Variants in JARID2 observed in about 807,000 individuals in gnomAD.
JARID2 encodes the protein protein Jumonji.
JARID2 carries 21 observed loss-of-function variants against 125.6 expected under a neutral mutation model. The ratio of observed to expected loss-of-function variants is 0.17; its 90% confidence interval spans 0.12 to 0.24. The LOEUF (loss-of-function observed/expected upper bound fraction) is 0.24. Among genes scored for constraint, JARID2 ranks in the 10% least tolerant of loss-of-function variants. The probability of loss-of-function intolerance (pLI) is 1.00; values close to 1 mark genes in which losing one functional copy is unlikely to be tolerated. For missense variants in JARID2, 1,303 were observed against 1,639.6 expected (o/e 0.79, Z 3.55); for synonymous variants, 736 against 661.6 (o/e 1.11, Z -1.73).
chr6:15,251,164 A>T (rs183999193), intron 1 of JARID2, among the ~76,000 whole-genome samples: 2 of 152,064 alleles, frequency 1.3e-5, no homozygotes, highest in African/African-American at 4.8e-5. Flanking sequence ...GGCACCCCCT[A>T]TCATGTCCGG....
intron 3 of JARID2, among the ~76,000 whole-genome samples, chr6:15,433,274 T>G (rs1266491348): frequency 6.6e-6 from 1 of 152,194 alleles, no homozygotes; most frequent in Non-Finnish European, 1.5e-5. Context: ...CCCCAAATGT[T>G]TCCTTCCTCA....
At chr6:15,281,267 C>T (rs1478533835) in intron 1 of JARID2, among the ~76,000 whole-genome samples, 1 of 152,216 alleles carries the variant, frequency 6.6e-6, no homozygotes, top group Admixed American at 6.5e-5. Context: ...ACTACGAAGT[C>T]ATTTTGGATT....
intron 12 of JARID2, 53 bp from the exon 13 acceptor site, chr6:15,511,243 C>T (rs1208951526): frequency 3.9e-6 from 5 of 1,267,144 alleles, no homozygotes; most frequent in African/African-American, 1.5e-5. Flanking sequence ...CCAGTACATG[C>T]AGGAGGCCCT....
chr6:15,351,445 A>ATGG (rs901588116), intron 1 of JARID2, among the ~76,000 whole-genome samples: 1 of 152,204 alleles, frequency 6.6e-6, no homozygotes, highest in African/African-American at 2.4e-5. Context: ...CACTGGCCTC[A>ATGG]TGGAGCAGGA....
chr6:15,251,943 C>T (rs1001699792), intron 1 of JARID2, among the ~76,000 whole-genome samples: 3 of 151,634 alleles, frequency 2.0e-5, no homozygotes, highest in Non-Finnish European at 4.4e-5. Flanking sequence ...ACCTGGGAGG[C>T]GGAGGTTGCA....
intron 6 of JARID2, among the ~76,000 whole-genome samples, chr6:15,492,808 C>T (rs77795629): frequency 0.014 from 2,198 of 152,148 alleles, 55 homozygotes; most frequent in African/African-American, 0.05. Flanking sequence ...GTTTGAACTT[C>T]GCTGGTCTGT....
intron 3 of JARID2, among the ~76,000 whole-genome samples, chr6:15,423,131 T>C: frequency 6.6e-6 from 1 of 152,012 alleles, no homozygotes; most frequent in East Asian, 1.9e-4. Context: ...TCCAAGTAGG[T>C]GGGACTACAG....
Position 15,263,227 on chromosome 6 carries a change from C to T in JARID2, c.45+16643C>T, listed in dbSNP as rs927011436. Among the ~76,000 whole-genome samples, 8 of 151,976 alleles carry T rather than the reference C, an allele frequency of 5.3e-5. No homozygotes were observed. The South Asian group carries it at 8.3e-4, about 16-fold the overall frequency. Reference sequence around the variant, plus strand: ...TTGCAAACCGTAAACACTGGTCACACGTGCTTGTGCTGGAATCATATGCTC... The same window carrying T: ...TTGCAAACCGTAAACACTGGTCACATGTGCTTGTGCTGGAATCATATGCTC... On this transcript the variant is annotated intron_variant, in intron 1 of 17. Coordinates refer to ENST00000341776, the MANE Select transcript of JARID2 (RefSeq NM_004973.4).
chr6:15,366,534 T>TGGGGGGGGGGGG (rs1763985901), intron 1 of JARID2, among the ~76,000 whole-genome samples: 1 of 21,102 alleles, frequency 4.7e-5, no homozygotes, highest in Non-Finnish European at 9.5e-5. Context: ...GGGTGGGGGG[T>TGGGGGGGGGGGG]GGGGTTGGCA....
Position 15,501,133 on chromosome 6 carries a change from G to T in JARID2, c.2172G>T (p.Leu724=). The T allele has an allele frequency of 1.2e-6, 2 of 1,614,124 alleles. No individual in the cohort carries two copies. Among genetic ancestry groups the T allele is most frequent in the African/African-American group, 1.3e-5 (1 of 75,056 alleles). ...ACCGGCGGCTGGAGAAGGAGGTGCT[G>T]ATGGAGAAGGAGATCCTGGAGAAGC... The part of the protein sequence containing the change: ...EEHRRLEKEV[L]MEKEILEKRK... Residue 724 remains leucine, a synonymous_variant, in exon 8 of 18, where the codon CTG becomes CTT. Transcript: ENST00000341776.
intron 1 of JARID2, among the ~76,000 whole-genome samples, chr6:15,326,272 C>T (rs1255229504): frequency 6.6e-5 from 10 of 152,100 alleles, no homozygotes. Flanking sequence ...GTGGTGCCAT[C>T]ATAGCTCACT....
intron 1 of JARID2, among the ~76,000 whole-genome samples, chr6:15,275,882 T>C (rs769057830): frequency 2.0e-5 from 3 of 152,082 alleles, no homozygotes; most frequent in Non-Finnish European, 2.9e-5. Flanking sequence ...TTTTGTCTAA[T>C]GGGGTTTGCA....
At position 15,263,074 on chromosome 6, in the gene JARID2, TTGTGTGTGTGTGTGTG is replaced by T. The variant is rs561238062; in HGVS notation, c.45+16519_45+16534del. On this transcript the variant is annotated intron_variant, in intron 1 of 17. Coordinates refer to ENST00000341776, the MANE Select transcript of JARID2 (RefSeq NM_004973.4). ...AGCTTGCCCTTTGGAGGGTGTGTGT[TTGTGTGTGTGTGTGTG>T]TGTGTGTGTGTGTGTGTGTGTGTGT... Among the ~76,000 whole-genome samples, 552 of 139,810 alleles carry T rather than the reference TTGTGTGTGTGTGTGTG, an allele frequency of 3.9e-3. 3 individuals are homozygous for T. The highest frequency in any genetic ancestry group is 0.013 in the African/African-American group (467 of 35,790). The allele number at this position is 139,810 out of a possible 152,430, so 91.7% of individuals were successfully genotyped here.
At chr6:15,415,827 C>CCCCACCT (rs1766162043) in intron 3 of JARID2, among the ~76,000 whole-genome samples, 8 of 135,744 alleles carry the variant, frequency 5.9e-5, no homozygotes, top group Non-Finnish European at 9.7e-5. Context: ...GGGGCTGACC[C>CCCCACCT]CCCCACCTCC....
At chr6:15,281,687 A>G (rs1760756349) in intron 1 of JARID2, among the ~76,000 whole-genome samples, 1 of 152,294 alleles carries the variant, frequency 6.6e-6, no homozygotes, top group East Asian at 1.9e-4. Context: ...TTTCCATGCC[A>G]TTCTATTTCA....
chr6:15,328,139 TA>T (rs1762592957), intron 1 of JARID2, among the ~76,000 whole-genome samples: 1 of 152,076 alleles, frequency 6.6e-6, no homozygotes, highest in Non-Finnish European at 1.5e-5. Flanking sequence ...AGGTGAATTT[TA>T]AGGGTCAGTG....
chr6:15,344,311 A>G (rs1763173548), intron 1 of JARID2, among the ~76,000 whole-genome samples: 1 of 151,928 alleles, frequency 6.6e-6, no homozygotes, highest in African/African-American at 2.4e-5. Context: ...TGTAACTTAG[A>G]TAAAGCACAC....
At chr6:15,457,348 C>T (rs957576173) in intron 4 of JARID2, among the ~76,000 whole-genome samples, 5 of 152,302 alleles carry the variant, frequency 3.3e-5, no homozygotes, top group African/African-American at 1.2e-4. Context: ...CTTCTTACAC[C>T]TGCATCCTAA....
intron 1 of JARID2, among the ~76,000 whole-genome samples, chr6:15,253,561 A>G (rs1428328519): frequency 2.6e-5 from 4 of 151,872 alleles, no homozygotes; most frequent in Non-Finnish European, 5.9e-5. Context: ...AGGGCAAAGT[A>G]TAGATCATTC....
Sources: gnomAD v4.1 joint callset for allele counts (sites outside exome capture counted in the v4.1 genomes callset) on GRCh38, gnomAD v4.1.1 for gene constraint, MANE v1.5 for transcripts, NCBI Gene and HGNC (gene_info 2026-07-23, HGNC 2026-07-21) for gene names.